CMIP: variants seen among roughly 807,000 people sequenced by gnomAD.
CMIP encodes C-Maf-inducing protein.
In CMIP, 13 loss-of-function variants were observed where a neutral mutation model predicts 97.3. The ratio of observed to expected loss-of-function variants is 0.13; its 90% confidence interval spans 0.09 to 0.21. CMIP has a LOEUF of 0.21. Ranked by LOEUF, CMIP falls within the 10% of genes least tolerant of loss-of-function variation. The pLI, the probability that CMIP is intolerant of heterozygous loss-of-function variation, is 1.00. For synonymous variants in CMIP, 538 were observed against 436.3 expected (o/e 1.23, Z -2.91); for missense variants, 847 against 1,024.9 (o/e 0.83, Z 2.37).
At chr16:81,463,579 T>A (rs1452976762) in intron 1 of CMIP, among the ~76,000 whole-genome samples, 1 of 152,238 alleles carries the variant, frequency 6.6e-6, no homozygotes, top group African/African-American at 2.4e-5. Context: ...AAGCCGGCTC[T>A]CTGCCCAGCT....
At chr16:81,683,040 A>T (rs1476216858) in intron 10 of CMIP, among the ~76,000 whole-genome samples, 2 of 152,282 alleles carry the variant, frequency 1.3e-5, no homozygotes, top group South Asian at 2.1e-4. Flanking sequence ...TCACACCTTC[A>T]TTTATCCACC....
intron 1 of CMIP, among the ~76,000 whole-genome samples, chr16:81,585,207 T>C (rs890137810): frequency 6.6e-6 from 1 of 152,130 alleles, no homozygotes; most frequent in African/African-American, 2.4e-5. Context: ...CCAGGCATGG[T>C]GGTGGGCACC....
At chr16:81,650,880 C>T (rs2092420245) in intron 3 of CMIP, among the ~76,000 whole-genome samples, 1 of 152,200 alleles carries the variant, frequency 6.6e-6, no homozygotes, top group African/African-American at 2.4e-5. Flanking sequence ...GACTCAGGTC[C>T]ACCTCCCGTC....
At chr16:81,486,573 C>T (rs918544611) in intron 1 of CMIP, among the ~76,000 whole-genome samples, 3 of 152,208 alleles carry the variant, frequency 2.0e-5, no homozygotes, top group East Asian at 1.9e-4. Context: ...AGCAGACCGC[C>T]GAGTCCCTCC....
chr16:81,659,351 T>C (rs1185559425), intron 5 of CMIP, among the ~76,000 whole-genome samples: 1 of 151,880 alleles, frequency 6.6e-6, no homozygotes. Context: ...GGCTGAGGTT[T>C]GTTCTGGGTG....
intron 1 of CMIP, among the ~76,000 whole-genome samples, chr16:81,603,741 C>G (rs2091696321): frequency 1.3e-5 from 2 of 152,150 alleles, no homozygotes; most frequent in African/African-American, 4.8e-5. Context: ...GAAAGTCCCT[C>G]AGTTATGGTT....
chr16:81,577,632 C>G (rs1170091511), intron 1 of CMIP, among the ~76,000 whole-genome samples: 2 of 141,152 alleles, frequency 1.4e-5, no homozygotes, highest in African/African-American at 5.5e-5. Context: ...ATCACCATCA[C>G]CACCATCATC....
chr16:81,626,788 A>AGTGT lies in CMIP; in HGVS notation c.477+5888_477+5891dup, dbSNP rs1035341441. On this transcript the variant is annotated intron_variant, in intron 3 of 20. Transcript: ENST00000537098. ...TGTGTGGAGTGACAGAGAGAGAGAG[A>AGTGT]GTGTGTGTGTGTGTGTGTGTGTGTG... 6.6e-3 allele frequency among the ~76,000 whole-genome samples: 419 copies of AGTGT among 63,138 alleles called. 5 individuals are homozygous for AGTGT. Among genetic ancestry groups the AGTGT allele is most frequent in the Non-Finnish European group, 0.011 (316 of 29,704 alleles). 41.4% of individuals were successfully genotyped at this position (63,138 alleles called of 152,430 possible).
chr16:81,522,919 TG>T (rs927158082), intron 1 of CMIP, among the ~76,000 whole-genome samples: 25 of 152,164 alleles, frequency 1.6e-4, no homozygotes, highest in Non-Finnish European at 2.1e-4. Context: ...AACATTTCTT[TG>T]TATATGGTTT....
intron 1 of CMIP, among the ~76,000 whole-genome samples, chr16:81,578,239 C>T (rs971444433): frequency 6.6e-6 from 1 of 152,218 alleles, no homozygotes; most frequent in African/African-American, 2.4e-5. Flanking sequence ...ACCTTCATCA[C>T]CACCATCATC....
intron 1 of CMIP, among the ~76,000 whole-genome samples, chr16:81,534,899 A>G (rs2090312194): frequency 6.6e-6 from 1 of 152,162 alleles, no homozygotes. Flanking sequence ...GTTACCACTG[A>G]TATACTGTCC....
In CMIP at chr16:81,607,632, G is replaced by C. The variant is rs2091766397; in HGVS notation, c.366G>C (p.Trp122Cys). The change falls in exon 2 of 21, where the codon TGG (tryptophan) becomes TGC (cysteine). Residue 122 changes from tryptophan to cysteine, a missense_variant. By Grantham distance (215) the Trp-to-Cys change is radical. Coordinates refer to ENST00000537098, the MANE Select transcript of CMIP (RefSeq NM_198390.3). ...SAIEDVQLLS[W>C]ENAPKYCLQL... ...TTGAAGACGTTCAGCTGCTGTCCTG[G>C]GAGAATGCCCCGAAGTACTGTTTAC... 3 of 1,614,024 alleles carry C rather than the reference G, an allele frequency of 1.9e-6. No homozygotes were observed. The highest frequency in any genetic ancestry group is 2.5e-6 in the Non-Finnish European group (3 of 1,179,896).
In CMIP at chr16:81,652,270, T is replaced by C. The variant is rs1405382240; in HGVS notation, c.545T>C (p.Ile182Thr). Residue 182 changes from isoleucine to threonine, a missense_variant, in exon 4 of 21, where the codon ATC becomes ACC. Around this residue, in one of 4 missense-constraint regions of CMIP, gnomAD observed 285 missense variants for 392.2 expected, o/e 0.73. Transcript: ENST00000537098. The surrounding 1 kb of genome is among the most constrained non-coding windows in gnomAD (Gnocchi z 5.2). ...PSRWEVVLKE[I>T]RTLVDMALTS... The stretch of plus-strand genomic sequence containing the variant: ...CGCTGGGAAGTTGTCTTGAAAGAGA[T>C]CCGGACCCTGGTGGACATGGCCCTG... 6.2e-7 allele frequency: 1 copy of C among 1,613,690 alleles called. No individual in the cohort carries two copies. Among genetic ancestry groups the C allele is most frequent in the Middle Eastern group, 1.7e-4 (1 of 6,060 alleles).
At chr16:81,479,788 T>A (rs1437425264) in intron 1 of CMIP, among the ~76,000 whole-genome samples, 1 of 152,182 alleles carries the variant, frequency 6.6e-6, no homozygotes, top group African/African-American at 2.4e-5. Flanking sequence ...CAGTCACTCC[T>A]CTTTCCCCCT....
intron 1 of CMIP, 63 bp downstream of exon 1, chr16:81,445,604 G>T (rs951917608): frequency 6.7e-7 from 1 of 1,491,692 alleles, no homozygotes; most frequent in African/African-American, 1.4e-5. Flanking sequence ...GCCCTCCCTG[G>T]CTGCCCCCTG....
intron 2 of CMIP, among the ~76,000 whole-genome samples, chr16:81,615,154 G>A (rs920928401): frequency 2.1e-5 from 2 of 97,244 alleles, no homozygotes; most frequent in Admixed American, 2.8e-4. Context: ...TGATGTGTGT[G>A]CATGTGTGTG....
intron 1 of CMIP, among the ~76,000 whole-genome samples, chr16:81,513,619 G>A (rs570208644): frequency 3.3e-5 from 5 of 152,326 alleles, no homozygotes; most frequent in South Asian, 2.1e-4. Context: ...GGAACCCCCC[G>A]GTCCGTTCTG....
At chr16:81,503,614 C>T (rs2089651798) in intron 1 of CMIP, among the ~76,000 whole-genome samples, 1 of 152,192 alleles carries the variant, frequency 6.6e-6, no homozygotes, top group African/African-American at 2.4e-5. Context: ...TGAGGTTGTT[C>T]TTGAACTCTT....
chr16:81,677,105 T>C (rs553730233), intron 9 of CMIP, among the ~76,000 whole-genome samples: 49 of 152,176 alleles, frequency 3.2e-4, no homozygotes, highest in African/African-American at 1.1e-3. Flanking sequence ...GATCCTGGTG[T>C]CCCGCCAGGG....
Sources: allele counts gnomAD v4.1 joint callset (sites outside exome capture counted in the v4.1 genomes callset), GRCh38; gene constraint gnomAD v4.1.1; regional missense constraint gnomAD v4.1.1; non-coding constraint Gnocchi (gnomAD v3.1); transcripts MANE v1.5; gene names NCBI Gene and HGNC (gene_info 2026-07-23, HGNC 2026-07-21).